Variants in LRRC17 observed in about 807,000 individuals in gnomAD.
LRRC17 encodes the protein leucine-rich repeat-containing protein 17.
LRRC17 carries 33 observed loss-of-function variants against 41.5 expected under a neutral mutation model. The ratio of observed to expected loss-of-function variants is 0.80; its 90% CI spans 0.60 to 1.06. LRRC17 has a LOEUF of 1.06. Among genes scored for constraint, LRRC17 ranks in the 50% least tolerant of loss-of-function variants. The pLI is 0.00. For synonymous variants in LRRC17, 192 were observed against 197.0 expected, an observed-to-expected ratio of 0.97 and a Z score of 0.21; for missense variants, 491 against 519.3, an observed-to-expected ratio of 0.95 and a Z score of 0.53.
chr7:102,934,145 G>A lies in LRRC17; in HGVS notation c.232G>A (p.Gly78Ser). Residue 78 changes from glycine to serine, a missense_variant, in exon 2 of 4, where the codon GGT becomes AGT. By Grantham distance (56) the Gly-to-Ser change is moderately conservative (BLOSUM62 0). Transcript: ENST00000339431. ...AAGAAAATTAGTTTATGTGCTGCCTGGTTGGCCTCAGGATTTGCTGCACAT... is the reference window on the plus strand; with the variant it reads ...AAGAAAATTAGTTTATGTGCTGCCTAGTTGGCCTCAGGATTTGCTGCACAT... ...QERKLVYVLPGWPQDLLHMLL... is the reference protein window; with the variant it reads ...QERKLVYVLPSWPQDLLHMLL... 1 of 1,614,160 alleles carries A rather than the reference G, an allele frequency of 6.2e-7. No homozygotes were observed. Among genetic ancestry groups the A allele is most frequent in the Non-Finnish European group, 8.5e-7 (1 of 1,180,006 alleles).
chr7:102,934,514 A>T lies in LRRC17; in HGVS notation c.601A>T (p.Lys201Ter), dbSNP rs776638319. ...TGAAAGTCCACAAGAACAAAAAAAT[A>T]AAAAACTGCGGCAGATAAAATCTGA... The part of the protein sequence containing the change: ...KCESPQEQKN[K>*]KLRQIKSEQL... The change falls in exon 2 of 4, where the codon AAA (lysine) becomes TAA (stop). Residue 201 changes from lysine to a stop codon, truncating the protein, a stop_gained. Coordinates refer to ENST00000339431, the MANE Select transcript of LRRC17 (RefSeq NM_001031692.3). LOFTEE classifies it high-confidence loss of function. 18 of 1,612,092 alleles carry T rather than the reference A, an allele frequency of 1.1e-5. No individual in the cohort carries two copies. The highest frequency in any genetic ancestry group is 8.1e-5 in the African/African-American group (6 of 74,330).
In LRRC17 at chr7:102,944,568, C is replaced by A. The variant is rs752776711; in HGVS notation, c.1287C>A (p.Thr429=). The A allele has an allele frequency of 6.2e-7, 1 of 1,610,802 alleles. No homozygotes were observed. The highest frequency in any genetic ancestry group is 2.2e-5 in the East Asian group (1 of 44,850). Residue 429 remains threonine, a synonymous_variant, in exon 4 of 4, where the codon ACC becomes ACA. Transcript: ENST00000339431. ...DEWEKKHRDH[T]AKKQSVIITI... is the part of the protein sequence containing the mutation. ...GGGAAAAAAAACATAGAGATCACAC[C>A]GCAAAGAAGCAAAGCGTAATAATTA...
intron 2 of LRRC17, among the ~76,000 whole-genome samples, chr7:102,939,003 C>G (rs558308407): frequency 9.2e-5 from 14 of 152,278 alleles, no homozygotes; most frequent in African/African-American, 3.1e-4. Flanking sequence ...ACATTTTTTT[C>G]GACCCATTTA....
At position 102,944,228 on chromosome 7, in the gene LRRC17, C is replaced by T; in HGVS notation, c.947C>T (p.Thr316Ile). The T allele has an allele frequency of 6.2e-7, 1 of 1,607,886 alleles. No individual in the cohort carries two copies. Among genetic ancestry groups the T allele is most frequent in the Non-Finnish European group, 8.5e-7 (1 of 1,177,726 alleles). ...TTTCCAGCCGCTTTTTTAGGGCTCA[C>T]ACATTTAGAAGAATTAGATTTATCA... is the stretch of plus-strand genomic sequence containing the variant. ...FIDPAAFLGL[T>I]HLEELDLSNN... The change falls in exon 4 of 4, where the codon ACA becomes ATA. Residue 316 changes from threonine to isoleucine, a missense_variant. Physicochemically the swap from Thr to Ile is moderately conservative, Grantham distance 89 (BLOSUM62 -1). Coordinates refer to ENST00000339431, the MANE Select transcript of LRRC17 (RefSeq NM_001031692.3).
At chr7:102,941,601 T>C (rs912756664) in intron 3 of LRRC17, among the ~76,000 whole-genome samples, 2 of 152,240 alleles carry the variant, frequency 1.3e-5, no homozygotes, top group East Asian at 1.9e-4. Context: ...GGTGAACCCA[T>C]TGGATGGCTA....
rs375593775 is a variant in LRRC17, at chr7:102,944,730, T to G, written c.*123T>G. ...AGGGTAATCCAGCTAAAGGAAGCTT[T>G]CTTTAATTATAAGTATTATTGTGAC... On this transcript the variant is annotated 3_prime_UTR_variant, in exon 4 of 4. Coordinates refer to ENST00000339431, the MANE Select transcript of LRRC17 (RefSeq NM_001031692.3). 6 of 820,768 alleles carry G rather than the reference T, an allele frequency of 7.3e-6. No individual in the cohort carries two copies. In the East Asian group the frequency reaches 1.1e-4, roughly 15 times the overall value. 50.8% of individuals were successfully genotyped at this position (820,768 alleles called of 1,614,324 possible).
In LRRC17 at chr7:102,934,229, A is replaced by C. The variant is rs1819813442; in HGVS notation, c.316A>C (p.Lys106Gln). 6.2e-7 allele frequency: 1 copy of C among 1,614,100 alleles called. No individual in the cohort carries two copies. Among genetic ancestry groups the C allele is most frequent in the African/African-American group, 1.3e-5 (1 of 74,930 alleles). ...LKNNMFSKFK[K>Q]LKSLDLQQNE... ...GAACAACATGTTTTCCAAGTTTAAA[A>C]AGCTGAAAAGCCTGGATCTGCAGCA... The change falls in exon 2 of 4, where the codon AAG (lysine) becomes CAG (glutamine). Residue 106 changes from lysine to glutamine, a missense_variant. Lys to Gln is a moderately conservative substitution (Grantham distance 53). Coordinates refer to ENST00000339431, the MANE Select transcript of LRRC17 (RefSeq NM_001031692.3).
chr7:102,922,799 C>T (rs1299691960), intron 1 of LRRC17, among the ~76,000 whole-genome samples: 5 of 151,674 alleles, frequency 3.3e-5, no homozygotes, highest in African/African-American at 9.7e-5. Context: ...AGTGAAACCC[C>T]GTCTCTACTA....
At chr7:102,933,354 A>G (rs1819600511) in intron 1 of LRRC17, 1 of 150,914 alleles carries the variant, frequency 6.6e-6, no homozygotes, top group African/African-American at 2.5e-5. Flanking sequence ...GTGTTCTTTT[A>G]AAGAAGGAGA....
In LRRC17 at chr7:102,942,698, G is replaced by A. The variant is rs75956408; in HGVS notation, c.929-1512G>A. On this transcript the variant is annotated intron_variant, in intron 3 of 3. Coordinates refer to ENST00000339431, the MANE Select transcript of LRRC17 (RefSeq NM_001031692.3). Reference sequence around the variant, plus strand: ...AGGGCTGATCTTTTGTCCCCTACCCGCAAGACATTGCTTGGTACCAAAATA... The same window carrying A: ...AGGGCTGATCTTTTGTCCCCTACCCACAAGACATTGCTTGGTACCAAAATA... Among the ~76,000 whole-genome samples, 1,199 of 152,154 alleles carry A rather than the reference G, an allele frequency of 7.9e-3. 86 individuals carry two copies. The East Asian group carries it at 0.16, about 20-fold the overall frequency.
chr7:102,924,010 AG>A (rs1178570420), intron 1 of LRRC17, among the ~76,000 whole-genome samples: 1 of 151,980 alleles, frequency 6.6e-6, no homozygotes, highest in African/African-American at 2.4e-5. Flanking sequence ...GAGGCCAAGG[AG>A]GGTGGATCAT....
intron 1 of LRRC17, among the ~76,000 whole-genome samples, chr7:102,918,165 T>C (rs1816282806): frequency 6.6e-6 from 1 of 152,184 alleles, no homozygotes. Flanking sequence ...CCAAGCATAT[T>C]TGAAACAATG....
At position 102,934,423 on chromosome 7, in the gene LRRC17, G is replaced by A; in HGVS notation, c.510G>A (p.Glu170=). 1 of 1,614,202 alleles carries A rather than the reference G, an allele frequency of 6.2e-7. No homozygotes were observed. The highest frequency in any genetic ancestry group is 1.1e-5 in the South Asian group (1 of 91,074). Residue 170 remains glutamate (E), a synonymous_variant, in exon 2 of 4, where the codon GAG becomes GAA. Transcript: ENST00000339431. Reference sequence around the variant, plus strand: ...ACAACCCCTGGCACTGTACTTGTGAGATAGAAACGCTTATTTCAATGTTGC... The same window carrying A: ...ACAACCCCTGGCACTGTACTTGTGAAATAGAAACGCTTATTTCAATGTTGC... ...LYDNPWHCTC[E]IETLISMLQI... is the part of the protein sequence containing the mutation.
intron 1 of LRRC17, among the ~76,000 whole-genome samples, chr7:102,918,681 G>A (rs1816386483): frequency 6.6e-6 from 1 of 152,062 alleles, no homozygotes; most frequent in African/African-American, 2.4e-5. Flanking sequence ...AGCTGGATGT[G>A]CCCAGGAGTT....
At chr7:102,923,919 ATTGG>A (rs892849710) in intron 1 of LRRC17, among the ~76,000 whole-genome samples, 2 of 152,002 alleles carry the variant, frequency 1.3e-5, no homozygotes, top group Non-Finnish European at 2.9e-5. Context: ...TGCTGAAATA[ATTGG>A]TTACCTATTT....
intron 1 of LRRC17, among the ~76,000 whole-genome samples, chr7:102,922,909 C>T (rs921986022): frequency 1.3e-5 from 2 of 151,954 alleles, no homozygotes; most frequent in Admixed American, 6.6e-5. Context: ...ACCCGGGAGG[C>T]GGAGCTTGCA....
chr7:102,944,339 G>A lies in LRRC17; in HGVS notation c.1058G>A (p.Arg353Lys). The stretch of plus-strand genomic sequence containing the variant: ...TTGTGGCTCAGAGATAACCCTTGGA[G>A]ATGTGACTACAACATTCACTACCTC... ...KLLWLRDNPW[R>K]CDYNIHYLYY... The change falls in exon 4 of 4, where the codon AGA becomes AAA. Residue 353 changes from arginine to lysine, a missense_variant. By Grantham distance (26) the Arg-to-Lys change is conservative (BLOSUM62 2). Coordinates refer to ENST00000339431, the MANE Select transcript of LRRC17 (RefSeq NM_001031692.3). The A allele has an allele frequency of 6.2e-7, 1 of 1,614,070 alleles. No individual in the cohort carries two copies. The highest frequency in any genetic ancestry group is 1.1e-5 in the South Asian group (1 of 91,070).
At chr7:102,921,452 G>A (rs555829131) in intron 1 of LRRC17, among the ~76,000 whole-genome samples, 4 of 152,134 alleles carry the variant, frequency 2.6e-5, no homozygotes, top group Non-Finnish European at 2.9e-5. Flanking sequence ...GGCCGAAGTG[G>A]GTGGATCACC....
chr7:102,934,513 T>C lies in LRRC17; in HGVS notation c.600T>C (p.Asn200=), dbSNP rs1194808108. Residue 200 remains asparagine (N), a synonymous_variant, in exon 2 of 4, where the codon AAT becomes AAC. Coordinates refer to ENST00000339431, the MANE Select transcript of LRRC17 (RefSeq NM_001031692.3). The part of the protein sequence containing the change: ...AKCESPQEQK[N]KKLRQIKSEQ... ...GTGAAAGTCCACAAGAACAAAAAAATAAAAAACTGCGGCAGATAAAATCTG... is the reference window on the plus strand; with the variant it reads ...GTGAAAGTCCACAAGAACAAAAAAACAAAAAACTGCGGCAGATAAAATCTG... 3 of 1,612,098 alleles carry C rather than the reference T, an allele frequency of 1.9e-6. No homozygotes were observed. The highest frequency in any genetic ancestry group is 2.5e-6 in the Non-Finnish European group (3 of 1,179,636).
Sources: allele counts gnomAD v4.1 joint callset (sites outside exome capture counted in the v4.1 genomes callset), GRCh38; gene constraint gnomAD v4.1.1; transcripts MANE v1.5; gene names NCBI Gene and HGNC (gene_info 2026-07-23, HGNC 2026-07-21).